Variants in ADGRV1 observed in about 807,000 individuals in gnomAD.
The protein encoded by ADGRV1 is adhesion G protein-coupled receptor V1.
ADGRV1 carries 359 observed loss-of-function variants against 596.2 expected under a neutral mutation model. The ratio of observed to expected loss-of-function variants is 0.60; its 90% CI spans 0.55 to 0.66. ADGRV1 has a LOEUF of 0.66. ADGRV1 is among the 30% of genes least tolerant of loss of function. The pLI is 0.00. For synonymous variants in ADGRV1, 2,681 were observed against 2,679.2 expected, an observed-to-expected ratio of 1.00 and a Z score of -0.02; for missense variants, 7,274 against 7,575.6, an observed-to-expected ratio of 0.96 and a Z score of 1.48.
Position 90,729,751 on chromosome 5 carries a change from A to G in ADGRV1, c.10536A>G (p.Pro3512=). Residue 3512 remains proline (P), a synonymous_variant, in exon 50 of 90, where the codon CCA becomes CCG. Coordinates refer to ENST00000405460, the MANE Select transcript of ADGRV1 (RefSeq NM_032119.4). ...AAVNRIHSFT[P]ASGIAHILLI... ...TTAACAGAATCCACTCCTTCACACCAGCCTCAGGAATAGGTAAGGACTTTT... is the reference window on the plus strand; with the variant it reads ...TTAACAGAATCCACTCCTTCACACCGGCCTCAGGAATAGGTAAGGACTTTT... The G allele has an allele frequency of 6.2e-7, 1 of 1,613,498 alleles. No homozygotes were observed.
intron 87 of ADGRV1, among the ~76,000 whole-genome samples, chr5:91,114,228 C>T (rs943157027): frequency 6.7e-6 from 1 of 150,152 alleles, no homozygotes; most frequent in African/African-American, 2.5e-5. Context: ...CAAAAACACA[C>T]AACCACACAG....
chr5:90,878,810 G>A (rs1561886176), intron 83 of ADGRV1, among the ~76,000 whole-genome samples: 2 of 152,294 alleles, frequency 1.3e-5, no homozygotes, highest in South Asian at 2.1e-4. Context: ...TGTAGTGTAG[G>A]TGTCACACAT....
chr5:90,602,256 T>G (rs1761500401), intron 1 of ADGRV1, among the ~76,000 whole-genome samples: 2 of 152,134 alleles, frequency 1.3e-5, no homozygotes, highest in African/African-American at 4.8e-5. Context: ...TGGAAGGAAG[T>G]AAGTTTGTTT....
chr5:91,062,897 T>G (rs1787565035), intron 85 of ADGRV1, among the ~76,000 whole-genome samples: 1 of 151,964 alleles, frequency 6.6e-6, no homozygotes, highest in Non-Finnish European at 1.5e-5. Flanking sequence ...ATTAACTAGT[T>G]AATTAGGTTA....
At chr5:91,122,500 T>C (rs1793410468) in intron 87 of ADGRV1, among the ~76,000 whole-genome samples, 1 of 152,224 alleles carries the variant, frequency 6.6e-6, no homozygotes, top group African/African-American at 2.4e-5. Flanking sequence ...TGTTATTTAT[T>C]AGCACTCTCT....
At chr5:90,866,626 G>A (rs989502827) in intron 83 of ADGRV1, among the ~76,000 whole-genome samples, 3 of 151,974 alleles carry the variant, frequency 2.0e-5, no homozygotes, top group Non-Finnish European at 2.9e-5. Flanking sequence ...CATTTGTGGT[G>A]TCCTACCTTT....
chr5:90,954,607 A>G (rs972227677), intron 83 of ADGRV1, among the ~76,000 whole-genome samples: 36 of 152,198 alleles, frequency 2.4e-4, no homozygotes, highest in African/African-American at 8.4e-4. Context: ...TCTAAAAAGT[A>G]TAAACATTTG....
intron 1 of ADGRV1, among the ~76,000 whole-genome samples, chr5:90,613,221 T>C (rs370069767): frequency 3.9e-5 from 6 of 152,264 alleles, no homozygotes; most frequent in African/African-American, 1.4e-4. Flanking sequence ...TAGATTGTAG[T>C]TGATCTTTTT....
At chr5:90,998,136 G>A (rs1264181761) in intron 85 of ADGRV1, among the ~76,000 whole-genome samples, 1 of 152,112 alleles carries the variant, frequency 6.6e-6, no homozygotes. Flanking sequence ...AAGATTGCAA[G>A]CACTAAATTC....
intron 85 of ADGRV1, among the ~76,000 whole-genome samples, chr5:91,009,283 T>G (rs532329146): frequency 2.6e-5 from 4 of 152,292 alleles, no homozygotes; most frequent in East Asian, 3.9e-4. Context: ...AGAGAATAGA[T>G]GTGACATCAA....
intron 87 of ADGRV1, among the ~76,000 whole-genome samples, chr5:91,142,259 G>A (rs970800155): frequency 6.6e-6 from 1 of 151,676 alleles, no homozygotes; most frequent in African/African-American, 2.4e-5. Context: ...CTGCATGCCA[G>A]GGACCATACT....
chr5:90,691,637 A>C lies in ADGRV1; in HGVS notation c.6951+596A>C, dbSNP rs113979758. ...TGACCTCAGGTGATCCACCTGCCTC[A>C]GCCTCCCAAAGTGCTGGGATTACAA... On this transcript the variant is annotated intron_variant, in intron 31 of 89. Transcript: ENST00000405460. 1.6e-4 allele frequency among the ~76,000 whole-genome samples: 24 copies of C among 152,144 alleles called. 1 individual carries two copies. The highest frequency in any genetic ancestry group is 1.9e-4 in the African/African-American group (8 of 41,506).
intron 83 of ADGRV1, among the ~76,000 whole-genome samples, chr5:90,939,259 T>G (rs1463274413): frequency 6.6e-6 from 1 of 152,188 alleles, no homozygotes; most frequent in African/African-American, 2.4e-5. Flanking sequence ...AGATTAGAGT[T>G]TCTCTCATTA....
At chr5:91,108,093 C>T (rs902394232) in intron 87 of ADGRV1, among the ~76,000 whole-genome samples, 4 of 152,138 alleles carry the variant, frequency 2.6e-5, no homozygotes, top group African/African-American at 9.7e-5. Context: ...GGCGCACTGG[C>T]ACATTCCTGG....
intron 55 of ADGRV1, 143 bp downstream of exon 55, chr5:90,755,328 C>G: frequency 1.7e-6 from 1 of 573,162 alleles, no homozygotes; most frequent in Non-Finnish European, 3.0e-6. Flanking sequence ...ACTGTTGCCA[C>G]CCACCTAAGT....
In ADGRV1 at chr5:90,647,689, A is replaced by G. The variant is rs1334293891; in HGVS notation, c.3214A>G (p.Ile1072Val). ...TGAGGTTGGAAGTAGACAGCAGAGC[A>G]TATCCATATTTGTTAATGAAGATGG... ...IFEVGSRQQSISIFVNEDGIP... is the reference protein window; with the variant it reads ...IFEVGSRQQSVSIFVNEDGIP... Residue 1072 changes from isoleucine to valine, a missense_variant, in exon 17 of 90, where the codon ATA becomes GTA. Around this residue, in one of 5 missense-constraint regions of ADGRV1, gnomAD observed 1,715 missense variants for 1,708.8 expected, o/e 1.00. Coordinates refer to ENST00000405460, the MANE Select transcript of ADGRV1 (RefSeq NM_032119.4). 6.2e-7 allele frequency: 1 copy of G among 1,613,874 alleles called. No homozygotes were observed. The highest frequency in any genetic ancestry group is 8.5e-7 in the Non-Finnish European group (1 of 1,179,758).
intron 83 of ADGRV1, among the ~76,000 whole-genome samples, chr5:90,961,923 G>A (rs929265181): frequency 6.6e-6 from 1 of 152,092 alleles, no homozygotes; most frequent in Admixed American, 6.5e-5. Flanking sequence ...TTGTCATTAT[G>A]AGCCTGTGGT....
At chr5:91,086,503 G>A (rs1053751589) in intron 86 of ADGRV1, among the ~76,000 whole-genome samples, 3 of 152,110 alleles carry the variant, frequency 2.0e-5, no homozygotes, top group Non-Finnish European at 2.9e-5. Flanking sequence ...ATGAGTGGCT[G>A]TCAAACTAAC....
chr5:91,094,134 G>A (rs1217756826), intron 86 of ADGRV1, among the ~76,000 whole-genome samples: 1 of 152,026 alleles, frequency 6.6e-6, no homozygotes, highest in Non-Finnish European at 1.5e-5. Context: ...TTATAGGCAT[G>A]AGCCACTGCA....
Sources: gnomAD v4.1 joint callset for allele counts (sites outside exome capture counted in the v4.1 genomes callset) on GRCh38, gnomAD v4.1.1 for gene constraint, gnomAD v4.1.1 regional missense constraint, MANE v1.5 for transcripts, NCBI Gene and HGNC (gene_info 2026-07-23, HGNC 2026-07-21) for gene names.